Variants in CRADD observed in about 807,000 individuals in gnomAD.
The protein encoded by CRADD is CARD and death domain containing adaptor protein.
In CRADD, 9 loss-of-function variants were observed where a neutral mutation model predicts 15.5. The observed-to-expected ratio is 0.58, with a 90% CI of 0.35 to 1.01. The LOEUF (loss-of-function observed/expected upper bound fraction) is 1.01, where lower values mean the gene tolerates loss of function less well. CRADD is among the 50% of genes least tolerant of loss of function. The probability of loss-of-function intolerance (pLI) is 0.02; values close to 1 mark genes in which losing one functional copy is unlikely to be tolerated. For missense variants in CRADD, 227 were observed against 250.3 expected, an observed-to-expected ratio of 0.91 and a Z score of 0.63; for synonymous variants, 118 against 107.6, an observed-to-expected ratio of 1.10 and a Z score of -0.60.
intron 2 of CRADD, among the ~76,000 whole-genome samples, chr12:93,818,451 T>G (rs1957733462): frequency 1.3e-5 from 2 of 152,176 alleles, no homozygotes; most frequent in East Asian, 1.9e-4. Flanking sequence ...TCCATTTCCT[T>G]GGCAGGGATG....
chr12:93,792,444 G>C (rs939506262), intron 2 of CRADD, among the ~76,000 whole-genome samples: 1 of 152,170 alleles, frequency 6.6e-6, no homozygotes, highest in Non-Finnish European at 1.5e-5. Flanking sequence ...TTAGTGAATA[G>C]TTTGGTTATA....
At chr12:93,808,876 G>C (rs12815448) in intron 2 of CRADD, among the ~76,000 whole-genome samples, 22,168 of 152,060 alleles carry the variant, frequency 0.15, 1,867 homozygotes, top group Middle Eastern at 0.31. Context: ...CTTTGTGAAG[G>C]CTTCTTTTTA....
intron 2 of CRADD, among the ~76,000 whole-genome samples, chr12:93,870,093 G>C (rs1002047730): frequency 1.8e-4 from 27 of 152,144 alleles, no homozygotes; most frequent in African/African-American, 6.3e-4. Flanking sequence ...CACTGAAAAT[G>C]ATTCATCAGA....
chr12:93,888,606 G>T (rs1384811415), intron 2 of CRADD, among the ~76,000 whole-genome samples: 1 of 152,178 alleles, frequency 6.6e-6, no homozygotes, highest in South Asian at 2.1e-4. Context: ...AGAAAGATCT[G>T]TTTGGGGATT....
chr12:93,874,261 T>G (rs1958442921), intron 2 of CRADD, among the ~76,000 whole-genome samples: 1 of 152,118 alleles, frequency 6.6e-6, no homozygotes, highest in South Asian at 2.1e-4. Context: ...CTAATGGTCC[T>G]TTGAAATTCT....
chr12:93,843,670 G>A lies in CRADD; in HGVS notation c.299-6300G>A, dbSNP rs190873926. 3.4e-3 allele frequency among the ~76,000 whole-genome samples: 515 copies of A among 151,770 alleles called. 4 individuals are homozygous for A. The highest frequency in any genetic ancestry group is 6.8e-3 in the Middle Eastern group (2 of 292). Reference sequence around the variant, plus strand: ...GCTGGGATTACAGGCGTGAGCCACCGTGCCCAGCCTAATTTAATGCTTTTC... The same window carrying A: ...GCTGGGATTACAGGCGTGAGCCACCATGCCCAGCCTAATTTAATGCTTTTC... On this transcript the variant is annotated intron_variant, in intron 2 of 2. Coordinates refer to ENST00000332896, the MANE Select transcript of CRADD (RefSeq NM_003805.5).
At chr12:93,819,888 T>G (rs1957750007) in intron 2 of CRADD, among the ~76,000 whole-genome samples, 1 of 152,198 alleles carries the variant, frequency 6.6e-6, no homozygotes, top group Non-Finnish European at 1.5e-5. Context: ...AGGGATTGAT[T>G]CTCTAACTCA....
intron 2 of CRADD, among the ~76,000 whole-genome samples, chr12:93,719,372 T>G (rs1160614220): frequency 1.3e-5 from 2 of 152,196 alleles, no homozygotes; most frequent in Non-Finnish European, 2.9e-5. Context: ...TGAGGATTTT[T>G]GCGTTTATGT....
At chr12:93,681,865 G>T (rs1482468631) in intron 2 of CRADD, among the ~76,000 whole-genome samples, 3 of 144,806 alleles carry the variant, frequency 2.1e-5, no homozygotes, top group Non-Finnish European at 4.7e-5. Flanking sequence ...AGTTCTAGAG[G>T]TGTGTGTGTG....
chr12:93,760,292 T>A (rs533727313), intron 2 of CRADD, among the ~76,000 whole-genome samples: 1 of 151,876 alleles, frequency 6.6e-6, no homozygotes. Flanking sequence ...GTGGGGAGAG[T>A]GTGTGTGAGG....
chr12:93,774,631 G>T (rs1957122827), intron 2 of CRADD, among the ~76,000 whole-genome samples: 1 of 152,172 alleles, frequency 6.6e-6, no homozygotes, highest in Non-Finnish European at 1.5e-5. Context: ...GGAAGAAGAG[G>T]TTTGGTATTT....
intron 2 of CRADD, chr12:93,836,047 G>A (rs11107208): frequency 0.17 from 25,581 of 152,178 alleles, 2,700 homozygotes; most frequent in Non-Finnish European, 0.24. Flanking sequence ...ACCCTATAAT[G>A]CCTGTGCTGT....
intron 2 of CRADD, among the ~76,000 whole-genome samples, chr12:93,887,099 T>G (rs1958543057): frequency 6.6e-6 from 1 of 151,968 alleles, no homozygotes; most frequent in South Asian, 2.1e-4. Context: ...ACAGGGAGGG[T>G]TCAGTGCATT....
At chr12:93,812,356 C>T (rs749071832) in intron 2 of CRADD, among the ~76,000 whole-genome samples, 3 of 152,010 alleles carry the variant, frequency 2.0e-5, no homozygotes, top group Non-Finnish European at 4.4e-5. Flanking sequence ...TTAAACAAGG[C>T]AATGTGTATA....
intron 2 of CRADD, among the ~76,000 whole-genome samples, chr12:93,698,249 A>G (rs548010198): frequency 6.6e-6 from 1 of 151,894 alleles, no homozygotes; most frequent in South Asian, 2.1e-4. Context: ...TCAGAAGCCC[A>G]CTCTTTGCTA....
At chr12:93,705,837 G>A (rs976113415) in intron 2 of CRADD, among the ~76,000 whole-genome samples, 6 of 152,102 alleles carry the variant, frequency 3.9e-5, no homozygotes, top group Non-Finnish European at 7.3e-5. Context: ...ATTTGCTTTC[G>A]CGGCATTACC....
chr12:93,741,941 C>G (rs973342571), intron 2 of CRADD, among the ~76,000 whole-genome samples: 4 of 152,140 alleles, frequency 2.6e-5, no homozygotes, highest in African/African-American at 7.2e-5. Flanking sequence ...TATGCTCCAC[C>G]GCGTCTCCTC....
intron 2 of CRADD, among the ~76,000 whole-genome samples, chr12:93,683,275 G>A (rs970317134): frequency 1.3e-5 from 2 of 152,224 alleles, no homozygotes; most frequent in Admixed American, 6.5e-5. Context: ...CACTGTGTTG[G>A]CCCTGGCTGT....
chr12:93,839,138 C>T (rs996370140), intron 2 of CRADD, among the ~76,000 whole-genome samples: 4 of 152,054 alleles, frequency 2.6e-5, no homozygotes, highest in Non-Finnish European at 5.9e-5. Context: ...TTTTGCTCTC[C>T]ACTGCATTTA....
Sources: gnomAD v4.1 joint callset for allele counts (sites outside exome capture counted in the v4.1 genomes callset) on GRCh38, gnomAD v4.1.1 for gene constraint, MANE v1.5 for transcripts, NCBI Gene and HGNC (gene_info 2026-07-23, HGNC 2026-07-21) for gene names.